CPSF3: variants seen among roughly 807,000 people sequenced by gnomAD.
CPSF3 encodes the protein cleavage and polyadenylation specific factor 3, also known as cleavage and polyadenylation specificity factor subunit 3.
CPSF3 carries 57 observed loss-of-function variants against 84.1 expected under a neutral mutation model. That is an observed-to-expected ratio of 0.68 (90% CI 0.55 to 0.85). The LOEUF (loss-of-function observed/expected upper bound fraction) is 0.85. Ranked by LOEUF, CPSF3 falls within the 40% of genes least tolerant of loss-of-function variation. The pLI, the probability that CPSF3 is intolerant of heterozygous loss-of-function variation, is 0.00. For synonymous variants in CPSF3, 275 were observed against 278.1 expected, an observed-to-expected ratio of 0.99 and a Z score of 0.11; for missense variants, 522 against 838.8, an observed-to-expected ratio of 0.62 and a Z score of 4.66.
rs183090401 is a variant in CPSF3, at chr2:9,448,661, A to T, written c.1395+311A>T. ...AACCTCCGCCTCCTGGGTTCCAGCG[A>T]TTCTCCTGCCTCAGCCTCCTGAGTA... On this transcript the variant is annotated intron_variant, in intron 11 of 17. Coordinates refer to ENST00000238112, the MANE Select transcript of CPSF3 (RefSeq NM_016207.4). 9.5e-3 allele frequency among the ~76,000 whole-genome samples: 1,451 copies of T among 152,190 alleles called. 25 individuals are homozygous for T. Among genetic ancestry groups the T allele is most frequent in the African/African-American group, 0.033 (1,370 of 41,514 alleles).
chr2:9,472,316 T>A (rs1682197268), intron 17 of CPSF3, among the ~76,000 whole-genome samples: 2 of 100,260 alleles, frequency 2.0e-5, no homozygotes, highest in Non-Finnish European at 2.2e-5. Context: ...CGAGATTCTG[T>A]CTCAAAAAAA....
At chr2:9,436,087 T>G (rs1396505563) in intron 6 of CPSF3, 124 bp from the exon 7 acceptor site, 3 of 792,752 alleles carry the variant, frequency 3.8e-6, no homozygotes, top group South Asian at 4.5e-5. Context: ...CAACACATGT[T>G]CGAGTAAATG....
Position 9,448,349 on chromosome 2 carries a change from AG to A in CPSF3, c.1395+1del, listed in dbSNP as rs953462317. ...AACTTCAGAGGAGAAAAACTAGCCA[AG>A]GTAAAAGGTTATGGTTCCTGTCTGT... ...TLNFRGEKLA[K>X]VMGFLADKKP... On this transcript the variant is annotated frameshift_variant and splice_region_variant, in exon 11 of 18. Coordinates refer to ENST00000238112, the MANE Select transcript of CPSF3 (RefSeq NM_016207.4). LOFTEE classifies it high-confidence loss of function. The A allele has an allele frequency of 6.2e-7, 1 of 1,609,944 alleles. No individual in the cohort carries two copies. Among genetic ancestry groups the A allele is most frequent in the Non-Finnish European group, 8.5e-7 (1 of 1,178,000 alleles).
Position 9,440,580 on chromosome 2 carries a change from A to G in CPSF3, c.850A>G (p.Thr284Ala), listed in dbSNP as rs1379064052. ...LAKKCMAVYQ[T>A]YVNAMNDKIR... is the part of the protein sequence containing the mutation. ...CAAGAAGTGTATGGCAGTGTACCAG[A>G]CATATGTAAATGCCATGAATGACAA... Residue 284 changes from threonine (T) to alanine (A), a missense_variant, in exon 8 of 18, where the codon ACA becomes GCA. Coordinates refer to ENST00000238112, the MANE Select transcript of CPSF3 (RefSeq NM_016207.4). 6.2e-7 allele frequency: 1 copy of G among 1,614,140 alleles called. No homozygotes were observed. Among genetic ancestry groups the G allele is most frequent in the Non-Finnish European group, 8.5e-7 (1 of 1,179,964 alleles).
At chr2:9,434,187 C>G (rs1680694435) in intron 6 of CPSF3, among the ~76,000 whole-genome samples, 1 of 152,004 alleles carries the variant, frequency 6.6e-6, no homozygotes, top group Non-Finnish European at 1.5e-5. Flanking sequence ...TAGAGACCAC[C>G]TTGGCCAACA....
intron 15 of CPSF3, among the ~76,000 whole-genome samples, chr2:9,465,845 AATG>A (rs1171234466): frequency 2.7e-4 from 41 of 152,160 alleles, no homozygotes; most frequent in Non-Finnish European, 1.8e-4. Flanking sequence ...CATGAAATGA[AATG>A]ATGACAATAT....
chr2:9,467,702 C>T lies in CPSF3; in HGVS notation c.1787-5C>T, dbSNP rs1366617266. 9.5e-6 allele frequency: 13 copies of T among 1,366,394 alleles called. No homozygotes were observed. Among genetic ancestry groups the T allele is most frequent in the African/African-American group, 4.5e-5 (3 of 66,642 alleles). The allele number at this position is 1,366,394 out of a possible 1,614,324, so 84.6% of individuals were successfully genotyped here. ...TGAACTCTCTGTCGCTTTTTTTTTT[C>T]CCAGGTGCAGTACAGAAGGTTTCTA... On this transcript the variant is annotated splice_region_variant and splice_polypyrimidine_tract_variant and intron_variant, in intron 15 of 17. Transcript: ENST00000238112.
Position 9,467,874 on chromosome 2 carries a change from C to G in CPSF3, c.1856+98C>G, listed in dbSNP as rs961118692. 3.3e-6 allele frequency: 3 copies of G among 918,804 alleles called. No homozygotes were observed. The African/African-American group carries it at 5.0e-5, about 15-fold the overall frequency. The allele number at this position is 918,804 out of a possible 1,614,324, so 56.9% of individuals were successfully genotyped here. A position where few individuals can be genotyped will look rare whatever the true frequency, so the allele number is the denominator to read the frequency against. On this transcript the variant is annotated intron_variant, in intron 16 of 17. Transcript: ENST00000238112. ...CTCCTTCAAGGACTGGGGCGTGGCT[C>G]TGGCCAGGCCACTGCCATGCTCGGA...
chr2:9,466,161 T>C (rs1051660236), intron 15 of CPSF3, among the ~76,000 whole-genome samples: 2 of 151,518 alleles, frequency 1.3e-5, no homozygotes, highest in Non-Finnish European at 2.9e-5. Context: ...GGCAACATGC[T>C]AAAACCCTGT....
At chr2:9,428,238 C>T (rs1680459714) in intron 1 of CPSF3, among the ~76,000 whole-genome samples, 1 of 151,382 alleles carries the variant, frequency 6.6e-6, no homozygotes, top group Non-Finnish European at 1.5e-5. Flanking sequence ...ATCTCGTGAT[C>T]TGCCTGCCTC....
At chr2:9,440,769 A>C in intron 8 of CPSF3, 103 bp downstream of exon 8, 1 of 1,167,818 alleles carries the variant, frequency 8.6e-7, no homozygotes, top group Non-Finnish European at 1.2e-6. Flanking sequence ...GTAATTTAGC[A>C]CTTTGGGAGT....
chr2:9,423,965 C>G, intron 1 of CPSF3, 142 bp downstream of exon 1: 2 of 1,457,052 alleles, frequency 1.4e-6, no homozygotes, highest in Non-Finnish European at 1.8e-6. Flanking sequence ...CCAGGCTTCT[C>G]AGGCTCGAGG....
chr2:9,439,611 G>C (rs1209868189), intron 7 of CPSF3, among the ~76,000 whole-genome samples: 2 of 152,136 alleles, frequency 1.3e-5, no homozygotes, highest in East Asian at 3.8e-4. Context: ...ATTTAATGAG[G>C]GCTTTTCCCT....
chr2:9,429,499 C>A (rs1355108538), intron 2 of CPSF3, among the ~76,000 whole-genome samples: 21 of 152,074 alleles, frequency 1.4e-4, no homozygotes, highest in Non-Finnish European at 2.6e-4. Context: ...GAATTTGTTC[C>A]CTAATGCCTT....
Position 9,428,762 on chromosome 2 carries a change from C to T in CPSF3, c.51-3C>T. 1.3e-6 allele frequency: 2 copies of T among 1,598,312 alleles called. No individual in the cohort carries two copies. Among genetic ancestry groups the T allele is most frequent in the South Asian group, 1.1e-5 (1 of 90,246 alleles). ...TTCTTTTTCTCCCCTTGAATATTTACAGTGGAGCTGGGCAAGAAGTAGGAA... is the reference window on the plus strand; with the variant it reads ...TTCTTTTTCTCCCCTTGAATATTTATAGTGGAGCTGGGCAAGAAGTAGGAA... On this transcript the variant is annotated splice_region_variant and splice_polypyrimidine_tract_variant and intron_variant, in intron 1 of 17. Transcript: ENST00000238112.
chr2:9,448,804 C>T (rs1416806316), intron 11 of CPSF3, among the ~76,000 whole-genome samples: 1 of 152,096 alleles, frequency 6.6e-6, no homozygotes, highest in African/African-American at 2.4e-5. Flanking sequence ...ATCCACCCAC[C>T]TCCGCCTCCC....
rs375478463 is a variant in CPSF3, at chr2:9,464,737, C to T, written c.1787-2970C>T. 8.6e-5 allele frequency among the ~76,000 whole-genome samples: 13 copies of T among 151,994 alleles called. No individual in the cohort carries two copies. The East Asian group carries it at 1.7e-3, about 20-fold the overall frequency. Reference sequence around the variant, plus strand: ...CCCCACAAGTAGCTGGGACTATAGACGCACATCACCACGCCTGGCTAATTT... The same window carrying T: ...CCCCACAAGTAGCTGGGACTATAGATGCACATCACCACGCCTGGCTAATTT... On this transcript the variant is annotated intron_variant, in intron 15 of 17. Coordinates refer to ENST00000238112, the MANE Select transcript of CPSF3 (RefSeq NM_016207.4).
chr2:9,446,215 T>C (rs10172717), intron 10 of CPSF3, among the ~76,000 whole-genome samples: 84,961 of 152,052 alleles, frequency 0.56, 24,772 homozygotes, highest in Middle Eastern at 0.7. Flanking sequence ...GAGGCCGATG[T>C]GGGTGGATCA....
chr2:9,469,635 C>G (rs771778680), intron 16 of CPSF3, among the ~76,000 whole-genome samples: 1 of 152,120 alleles, frequency 6.6e-6, no homozygotes, highest in Non-Finnish European at 1.5e-5. Flanking sequence ...CCACTCCTCC[C>G]GCCTCCCCTC....
Sources: allele counts gnomAD v4.1 joint callset (sites outside exome capture counted in the v4.1 genomes callset), GRCh38; gene constraint gnomAD v4.1.1; transcripts MANE v1.5; gene names NCBI Gene and HGNC (gene_info 2026-07-23, HGNC 2026-07-21).